KCNIP4: variants seen among roughly 807,000 people sequenced by gnomAD.
KCNIP4 encodes the protein Kv channel-interacting protein 4.
Under a neutral mutation model 34.0 loss-of-function variants are expected in KCNIP4, and 12 were observed. The ratio of observed to expected loss-of-function variants is 0.35; its 90% CI spans 0.23 to 0.57. The LOEUF (loss-of-function observed/expected upper bound fraction) is 0.57, where lower values mean the gene tolerates loss of function less well. KCNIP4 is among the 20% of genes least tolerant of loss of function. The pLI is 0.83. For synonymous variants in KCNIP4, 124 were observed against 102.2 expected, an observed-to-expected ratio of 1.21 and a Z score of -1.29; for missense variants, 238 against 311.7, an observed-to-expected ratio of 0.76 and a Z score of 1.78.
intron 1 of KCNIP4, among the ~76,000 whole-genome samples, chr4:21,673,952 C>G (rs779894355): frequency 2.0e-5 from 3 of 152,236 alleles, no homozygotes; most frequent in Non-Finnish European, 2.9e-5. Flanking sequence ...TTAAAAAATC[C>G]TAACTCATTT....
chr4:21,697,680 G>A (rs1296210731), intron 1 of KCNIP4: 24 of 1,262,518 alleles, frequency 1.9e-5, no homozygotes, highest in Non-Finnish European at 2.4e-5. Flanking sequence ...TCAGTGTGGT[G>A]ACCAAGTTCT....
intron 1 of KCNIP4, among the ~76,000 whole-genome samples, chr4:21,010,731 G>C (rs1456449222): frequency 6.6e-6 from 1 of 152,160 alleles, no homozygotes; most frequent in Non-Finnish European, 1.5e-5. Context: ...AGCAATAAGA[G>C]CATAGTATGG....
At chr4:21,058,880 G>A (rs1743657756) in intron 1 of KCNIP4, among the ~76,000 whole-genome samples, 1 of 152,082 alleles carries the variant, frequency 6.6e-6, no homozygotes, top group South Asian at 2.1e-4. Context: ...GTTTGACAGT[G>A]TCCCCACCCA....
At chr4:21,234,385 C>T (rs148408567) in intron 1 of KCNIP4, among the ~76,000 whole-genome samples, 1,241 of 72,780 alleles carry the variant, frequency 0.017, 173 homozygotes, top group African/African-American at 0.066. Context: ...ATACATCATA[C>T]ATAACATATA....
chr4:20,792,727 A>G (rs898460824), intron 3 of KCNIP4, among the ~76,000 whole-genome samples: 4 of 152,336 alleles, frequency 2.6e-5, no homozygotes, highest in African/African-American at 9.6e-5. Context: ...TTAAATATTT[A>G]TAGATCTAAT....
At chr4:21,335,849 G>T (rs1716125790) in intron 1 of KCNIP4, among the ~76,000 whole-genome samples, 1 of 151,972 alleles carries the variant, frequency 6.6e-6, no homozygotes, top group South Asian at 2.1e-4. Context: ...GAAGTATAAA[G>T]AATAATACAA....
At chr4:21,542,798 A>G (rs1372524363) in intron 1 of KCNIP4, among the ~76,000 whole-genome samples, 1 of 151,516 alleles carries the variant, frequency 6.6e-6, no homozygotes, top group Non-Finnish European at 1.5e-5. Flanking sequence ...TCTTGGATTC[A>G]GAATAGTGAA....
At chr4:20,864,346 A>G (rs917791200) in intron 2 of KCNIP4, among the ~76,000 whole-genome samples, 7 of 151,332 alleles carry the variant, frequency 4.6e-5, no homozygotes, top group Admixed American at 2.0e-4. Flanking sequence ...GTAAACATGT[A>G]TGTATAACAT....
At chr4:21,332,006 A>C (rs531200968) in intron 1 of KCNIP4, among the ~76,000 whole-genome samples, 2 of 152,218 alleles carry the variant, frequency 1.3e-5, no homozygotes, top group East Asian at 3.9e-4. Context: ...CTATGTGTAC[A>C]AAATTTAGTA....
intron 1 of KCNIP4, among the ~76,000 whole-genome samples, chr4:21,048,835 C>T (rs1369496758): frequency 6.6e-6 from 1 of 151,786 alleles, no homozygotes; most frequent in African/African-American, 2.4e-5. Flanking sequence ...CCTAGTGGGG[C>T]CTATCCTGAG....
At chr4:20,839,335 T>G (rs1054499502) in intron 3 of KCNIP4, among the ~76,000 whole-genome samples, 3 of 151,968 alleles carry the variant, frequency 2.0e-5, no homozygotes, top group Non-Finnish European at 4.4e-5. Flanking sequence ...TCTATAGATA[T>G]AGATATACAT....
chr4:20,812,934 A>AGTGT (rs34935781), intron 3 of KCNIP4, among the ~76,000 whole-genome samples: 82 of 149,580 alleles, frequency 5.5e-4, no homozygotes, highest in South Asian at 2.1e-3. Context: ...TTTGTGTGTG[A>AGTGT]GTGTGTGTGT....
intron 1 of KCNIP4, among the ~76,000 whole-genome samples, chr4:21,755,094 A>T (rs1340232946): frequency 6.6e-6 from 1 of 152,146 alleles, no homozygotes; most frequent in East Asian, 1.9e-4. Context: ...GAGGTAGCAG[A>T]TGGCGCCACT....
At chr4:21,501,058 A>G (rs895245086) in intron 1 of KCNIP4, among the ~76,000 whole-genome samples, 5 of 152,088 alleles carry the variant, frequency 3.3e-5, no homozygotes, top group Non-Finnish European at 5.9e-5. Context: ...TAACTTCTGA[A>G]TTTCTTATAA....
chr4:21,477,968 A>G (rs1440695090), intron 1 of KCNIP4, among the ~76,000 whole-genome samples: 5 of 152,176 alleles, frequency 3.3e-5, no homozygotes, highest in African/African-American at 9.6e-5. Context: ...AAACAAACCC[A>G]TGAACAAAAA....
intron 1 of KCNIP4, among the ~76,000 whole-genome samples, chr4:20,933,110 T>C (rs1730653520): frequency 6.6e-6 from 1 of 152,020 alleles, no homozygotes; most frequent in Non-Finnish European, 1.5e-5. Context: ...CAAGGCATGA[T>C]GGCAGGTGAC....
At chr4:21,026,451 T>G (rs769418281) in intron 1 of KCNIP4, among the ~76,000 whole-genome samples, 3 of 152,078 alleles carry the variant, frequency 2.0e-5, no homozygotes, top group African/African-American at 7.2e-5. Context: ...CCCAGGAGTT[T>G]GAGACCAGCT....
At chr4:21,216,812 T>C (rs1560181981) in intron 1 of KCNIP4, among the ~76,000 whole-genome samples, 1 of 151,800 alleles carries the variant, frequency 6.6e-6, no homozygotes, top group African/African-American at 2.4e-5. Context: ...ACATTTAAGA[T>C]AGAAAAATCC....
chr4:21,101,708 G>A (rs1747957534), intron 1 of KCNIP4, among the ~76,000 whole-genome samples: 3 of 152,044 alleles, frequency 2.0e-5, no homozygotes, highest in South Asian at 4.1e-4. Context: ...TAAAACACGT[G>A]AGCTTTATGG....
Sources: gnomAD v4.1 joint callset for allele counts (sites outside exome capture counted in the v4.1 genomes callset) on GRCh38, gnomAD v4.1.1 for gene constraint, MANE v1.5 for transcripts, NCBI Gene and HGNC (gene_info 2026-07-23, HGNC 2026-07-21) for gene names.